FAM81A: variants seen among roughly 807,000 people sequenced by gnomAD.
FAM81A encodes family with sequence similarity 81 member A, also known as protein FAM81A.
FAM81A carries 19 observed loss-of-function variants against 46.7 expected under a neutral mutation model. The ratio of observed to expected loss-of-function variants is 0.41; its 90% CI spans 0.28 to 0.60. The LOEUF (loss-of-function observed/expected upper bound fraction) is 0.60. Ranked by LOEUF, FAM81A falls within the 20% of genes least tolerant of loss-of-function variation. FAM81A has a pLI of 0.34. For missense variants in FAM81A, 377 were observed against 453.5 expected (o/e 0.83, Z 1.53); for synonymous variants, 183 against 152.9 (o/e 1.20, Z -1.45).
At chr15:59,480,423 C>T (rs1222350455) in intron 3 of FAM81A, among the ~76,000 whole-genome samples, 5 of 152,124 alleles carry the variant, frequency 3.3e-5, no homozygotes, top group African/African-American at 1.2e-4. Flanking sequence ...GCATAAACTG[C>T]ATTATACAGC....
At chr15:59,451,913 C>G (rs749015403) in intron 1 of FAM81A, among the ~76,000 whole-genome samples, 1 of 152,216 alleles carries the variant, frequency 6.6e-6, no homozygotes, top group Non-Finnish European at 1.5e-5. Flanking sequence ...CCTGGACATT[C>G]ACTCACCCAG....
chr15:59,492,569 A>G (rs1433738391), intron 4 of FAM81A, among the ~76,000 whole-genome samples, 180 bp downstream of exon 4: 1 of 152,138 alleles, frequency 6.6e-6, no homozygotes, highest in Non-Finnish European at 1.5e-5. Context: ...TGAGGGTGCC[A>G]TGGGTTTCTT....
At chr15:59,428,621 C>CTTTTT (rs1206186244) in intron 2 of FAM81A, among the ~76,000 whole-genome samples, 9 of 70,284 alleles carry the variant, frequency 1.3e-4, no homozygotes, top group South Asian at 5.5e-4. Flanking sequence ...ATGTCTACTC[C>CTTTTT]TTTTTTTTTT....
chr15:59,419,809 G>A (rs2081163094), intron 2 of FAM81A, among the ~76,000 whole-genome samples: 1 of 149,470 alleles, frequency 6.7e-6, no homozygotes, highest in Non-Finnish European at 1.5e-5. Flanking sequence ...CACTCCTGGA[G>A]CTGGATTGCA....
chr15:59,456,133 C>G, intron 1 of FAM81A, among the ~76,000 whole-genome samples: 1 of 152,122 alleles, frequency 6.6e-6, no homozygotes, highest in Non-Finnish European at 1.5e-5. Flanking sequence ...GAGAGAGCCA[C>G]TTTATAGACT....
At chr15:59,497,128 AAAGAAG>A (rs367828817) in intron 4 of FAM81A, among the ~76,000 whole-genome samples, 164 of 149,216 alleles carry the variant, frequency 1.1e-3, no homozygotes, top group African/African-American at 2.5e-3. Flanking sequence ...CAAATTTAAA[AAAGAAG>A]AAGAAGAAGA....
intron 4 of FAM81A, among the ~76,000 whole-genome samples, chr15:59,506,214 T>C (rs1409974943): frequency 6.6e-6 from 1 of 152,108 alleles, no homozygotes; most frequent in African/African-American, 2.4e-5. Context: ...GGTCTTGCTA[T>C]GTTGCCCAGG....
chr15:59,459,610 A>C (rs572392421), intron 2 of FAM81A, among the ~76,000 whole-genome samples: 10 of 152,040 alleles, frequency 6.6e-5, no homozygotes, highest in African/African-American at 2.4e-4. Flanking sequence ...GGAGGAGAGC[A>C]TGTTAGGAGA....
chr15:59,405,765 C>G (rs150579322), intron 2 of FAM81A, among the ~76,000 whole-genome samples: 22 of 152,314 alleles, frequency 1.4e-4, no homozygotes, highest in Non-Finnish European at 2.4e-4. Flanking sequence ...GGCCTTGGGC[C>G]CATCCCTCTT....
chr15:59,459,965 C>T lies in FAM81A; in HGVS notation c.53C>T (p.Ser18Phe), dbSNP rs1414291190. The T allele has an allele frequency of 3.1e-6, 5 of 1,610,392 alleles. No homozygotes were observed. Among genetic ancestry groups the T allele is most frequent in the South Asian group, 1.1e-5 (1 of 90,516 alleles). Reference protein sequence around the residue: ...RVRTMPRHSQSLTMAPYSSVS... With the variant: ...RVRTMPRHSQFLTMAPYSSVS... ...AGAACCATGCCCCGACACAGCCAGT[C>T]CCTGACCATGGCACCATACTCATCT... Residue 18 changes from serine to phenylalanine, a missense_variant, in exon 3 of 9, where the codon TCC becomes TTC. Ser to Phe is a radical substitution (Grantham distance 155, BLOSUM62 -2). Transcript: ENST00000288228.
intron 6 of FAM81A, among the ~76,000 whole-genome samples, chr15:59,509,819 C>T (rs557115379): frequency 5.3e-5 from 8 of 152,022 alleles, no homozygotes; most frequent in Non-Finnish European, 1.0e-4. Context: ...TGAAAGATGG[C>T]GAGGGTGACT....
At chr15:59,509,017 G>A in intron 6 of FAM81A, 48 bp downstream of exon 6, 2 of 1,415,726 alleles carry the variant, frequency 1.4e-6, no homozygotes, top group Non-Finnish European at 9.7e-7. Context: ...TTCTTTATGA[G>A]TTTATGCAAT....
At chr15:59,472,681 G>T (rs1349496327) in intron 3 of FAM81A, among the ~76,000 whole-genome samples, 1 of 151,942 alleles carries the variant, frequency 6.6e-6, no homozygotes, top group Non-Finnish European at 1.5e-5. Context: ...CTCCTGAGGA[G>T]CTGAGACTAC....
In FAM81A at chr15:59,460,585, A is replaced by G; in HGVS notation, c.294+379A>G. ...CTAAGGTCAGACTCTGTTGCTTCAG[A>G]TTAAATGTTTCTAGGTCATAATGAT... is the stretch of plus-strand genomic sequence containing the variant. On this transcript the variant is annotated intron_variant, in intron 3 of 8. Coordinates refer to ENST00000288228, the MANE Select transcript of FAM81A (RefSeq NM_152450.3). The surrounding 1 kb of genome is among the most constrained non-coding windows in gnomAD (Gnocchi z 4.4). 2 of 351,006 alleles carry G rather than the reference A, an allele frequency of 5.7e-6. No homozygotes were observed. The highest frequency in any genetic ancestry group is 1.1e-5 in the Non-Finnish European group (2 of 181,820). 21.7% of individuals were successfully genotyped at this position (351,006 alleles called of 1,614,324 possible).
chr15:59,474,078 C>T lies in FAM81A; in HGVS notation c.294+13872C>T, dbSNP rs138984217. Among the ~76,000 whole-genome samples, 242 of 152,300 alleles carry T rather than the reference C, an allele frequency of 1.6e-3. 2 individuals are homozygous for T. The highest frequency in any genetic ancestry group is 5.5e-3 in the African/African-American group (230 of 41,582). On this transcript the variant is annotated intron_variant, in intron 3 of 8. Coordinates refer to ENST00000288228, the MANE Select transcript of FAM81A (RefSeq NM_152450.3). ...GCCCTCCTTGCCAGTTCCTCTCATG[C>T]CCCCAGTTTCCTTTCCCTCAGTGTA... is the stretch of plus-strand genomic sequence containing the variant.
intron 4 of FAM81A, among the ~76,000 whole-genome samples, chr15:59,506,523 A>G (rs778339199): frequency 2.0e-5 from 3 of 152,220 alleles, no homozygotes; most frequent in Non-Finnish European, 4.4e-5. Flanking sequence ...TACTGAGCCC[A>G]GTAGCAAGCC....
chr15:59,453,816 G>A (rs4774331), intron 1 of FAM81A, among the ~76,000 whole-genome samples: 119,147 of 151,994 alleles, frequency 0.78, 46,996 homozygotes, highest in African/African-American at 0.86. Context: ...GAGGCAAGAG[G>A]AGAGAGAGGA....
At position 59,521,331 on chromosome 15, in the gene FAM81A, C is replaced by CTACAGAAGCAAATCCAGCTGA; in HGVS notation, c.1062_1082dup (p.Leu360_Met361insIleGlnLysGlnIleGlnLeu). The stretch of plus-strand genomic sequence containing the variant: ...CAAGATGAAGCTGGACAGGGACCAG[C>CTACAGAAGCAAATCCAGCTGA]TACAGAAGCAAATCCAGCTGATGCA... On this transcript the variant is annotated inframe_insertion, in exon 9 of 9. Transcript: ENST00000288228. 6.2e-7 allele frequency: 1 copy of CTACAGAAGCAAATCCAGCTGA among 1,613,614 alleles called. No homozygotes were observed. The highest frequency in any genetic ancestry group is 8.5e-7 in the Non-Finnish European group (1 of 1,179,716).
At chr15:59,402,503 T>G (rs1446910666) in intron 2 of FAM81A, 10 of 152,190 alleles carry the variant, frequency 6.6e-5, no homozygotes, top group African/African-American at 2.4e-4. Flanking sequence ...TTACATGTGT[T>G]TGGCTTGGCT....
Sources: allele counts gnomAD v4.1 joint callset (sites outside exome capture counted in the v4.1 genomes callset), GRCh38; gene constraint gnomAD v4.1.1; non-coding constraint Gnocchi (gnomAD v3.1); transcripts MANE v1.5; gene names NCBI Gene and HGNC (gene_info 2026-07-23, HGNC 2026-07-21).